The following COL25A1 variants were observed in gnomAD, a reference collection of about 807,000 sequenced individuals.
COL25A1 encodes the protein collagen alpha-1(XXV) chain.
COL25A1 carries 103 observed loss-of-function variants against 128.4 expected under a neutral mutation model. That is an observed-to-expected ratio of 0.80 (90% CI 0.68 to 0.94). The LOEUF (loss-of-function observed/expected upper bound fraction) is 0.94, where lower values mean the gene tolerates loss of function less well. Ranked by LOEUF, COL25A1 falls within the 40% of genes least tolerant of loss-of-function variation. The pLI is 0.00. For missense variants in COL25A1, 745 were observed against 840.0 expected, an observed-to-expected ratio of 0.89 and a Z score of 1.40; for synonymous variants, 279 against 277.2, an observed-to-expected ratio of 1.01 and a Z score of -0.06.
At chr4:109,183,166 G>A (rs1198100836) in intron 3 of COL25A1, among the ~76,000 whole-genome samples, 1 of 151,760 alleles carries the variant, frequency 6.6e-6, no homozygotes, top group East Asian at 1.9e-4. Flanking sequence ...CCCCATCCAT[G>A]TCCACAAACA....
intron 3 of COL25A1, among the ~76,000 whole-genome samples, chr4:109,125,680 C>T (rs1768527973): frequency 6.6e-6 from 1 of 152,088 alleles, no homozygotes; most frequent in African/African-American, 2.4e-5. Context: ...TAATGGTGAT[C>T]AATTTTCAAC....
chr4:108,941,320 A>T, intron 9 of COL25A1, 46 bp downstream of exon 9: 1 of 1,463,932 alleles, frequency 6.8e-7, no homozygotes, highest in Non-Finnish European at 9.6e-7. Flanking sequence ...ACAGAGCAAT[A>T]ACTGATGTAA....
Position 109,032,420 on chromosome 4 carries a change from T to A in COL25A1, c.420+15748A>T, listed in dbSNP as rs77669998. Reference sequence around the variant, plus strand: ...CTAAACTCTTCAACAGGGGAACTTATGGTCACAAATAACACAAAGAGGTTA... The same window carrying A: ...CTAAACTCTTCAACAGGGGAACTTAAGGTCACAAATAACACAAAGAGGTTA... On this transcript the variant is annotated intron_variant, in intron 5 of 37. Coordinates refer to ENST00000399132, the MANE Select transcript of COL25A1 (RefSeq NM_198721.4). Among the ~76,000 whole-genome samples, 34 of 152,334 alleles carry A rather than the reference T, an allele frequency of 2.2e-4. No homozygotes were observed. In the East Asian group the frequency reaches 5.2e-3, roughly 23 times the overall value.
At chr4:109,232,810 C>T (rs1276584698) in intron 3 of COL25A1, among the ~76,000 whole-genome samples, 2 of 152,034 alleles carry the variant, frequency 1.3e-5, no homozygotes, top group Non-Finnish European at 2.9e-5. Context: ...TTTATTATAC[C>T]CACATTCTTA....
At chr4:108,887,292 T>C (rs1462999904) in intron 18 of COL25A1, among the ~76,000 whole-genome samples, 1 of 152,188 alleles carries the variant, frequency 6.6e-6, no homozygotes, top group Non-Finnish European at 1.5e-5. Flanking sequence ...TAAGCGCCAA[T>C]GAACCCCCAG....
chr4:108,942,427 AG>A (rs1170567090), intron 8 of COL25A1, among the ~76,000 whole-genome samples: 4 of 151,786 alleles, frequency 2.6e-5, no homozygotes, highest in African/African-American at 9.7e-5. Flanking sequence ...TAGACACATA[AG>A]GCCCCAAAAT....
At chr4:109,004,190 C>A (rs549653882) in intron 6 of COL25A1, among the ~76,000 whole-genome samples, 1 of 152,130 alleles carries the variant, frequency 6.6e-6, no homozygotes, top group South Asian at 2.1e-4. Context: ...TAATTTCATC[C>A]TATGACTGTA....
chr4:108,895,706 A>T (rs1166150142), intron 16 of COL25A1, among the ~76,000 whole-genome samples: 1 of 152,156 alleles, frequency 6.6e-6, no homozygotes, highest in Non-Finnish European at 1.5e-5. Context: ...TTAACTTATA[A>T]TCAAACTTTT....
At chr4:109,009,046 C>T (rs898892749) in intron 6 of COL25A1, among the ~76,000 whole-genome samples, 4 of 152,034 alleles carry the variant, frequency 2.6e-5, no homozygotes, top group South Asian at 2.1e-4. Flanking sequence ...CACTTGAACC[C>T]GGGAGGCGGA....
At chr4:109,149,144 T>C (rs1311260555) in intron 3 of COL25A1, among the ~76,000 whole-genome samples, 1 of 152,208 alleles carries the variant, frequency 6.6e-6, no homozygotes, top group East Asian at 1.9e-4. Flanking sequence ...AGCCTTATTT[T>C]CCAACAAAGC....
At chr4:109,143,232 C>T (rs1195894146) in intron 3 of COL25A1, among the ~76,000 whole-genome samples, 1 of 152,190 alleles carries the variant, frequency 6.6e-6, no homozygotes, top group Non-Finnish European at 1.5e-5. Context: ...GAATATTGGC[C>T]TCCACTCTCT....
intron 15 of COL25A1, among the ~76,000 whole-genome samples, chr4:108,897,644 C>T (rs747600449): frequency 2.6e-5 from 4 of 152,162 alleles, no homozygotes; most frequent in Non-Finnish European, 5.9e-5. Context: ...TCTGGCACAT[C>T]ATAAGCTATT....
chr4:109,247,636 T>C (rs142591515), intron 3 of COL25A1, among the ~76,000 whole-genome samples: 284 of 151,926 alleles, frequency 1.9e-3, no homozygotes, highest in African/African-American at 6.2e-3. Flanking sequence ...AAACAGTAAA[T>C]AGATAGATAG....
At chr4:108,904,188 G>A (rs973744030) in intron 13 of COL25A1, among the ~76,000 whole-genome samples, 3 of 152,118 alleles carry the variant, frequency 2.0e-5, no homozygotes, top group Non-Finnish European at 4.4e-5. Context: ...TCAACTGACA[G>A]TGAAAATTTA....
chr4:109,031,406 G>A (rs115947346), intron 5 of COL25A1, among the ~76,000 whole-genome samples: 3,049 of 152,182 alleles, frequency 0.02, 82 homozygotes, highest in African/African-American at 0.069. Context: ...GTGAGCCACC[G>A]CGCCAGGCCA....
rs375290178 is a variant in COL25A1, at chr4:108,983,851, T to G, written c.439-9292A>C. Among the ~76,000 whole-genome samples, 54 of 152,256 alleles carry G rather than the reference T, an allele frequency of 3.5e-4. 2 individuals are homozygous for G. In the East Asian group the frequency reaches 6.8e-3, roughly 19 times the overall value. On this transcript the variant is annotated intron_variant, in intron 6 of 37. Transcript: ENST00000399132. ...AGTGTTGCAGCTCATAATGGCAGTG[T>G]GGACCCGAAGAGTGAGCAGCAGCAG... is the stretch of plus-strand genomic sequence containing the variant.
chr4:109,170,526 G>A (rs989223318), intron 3 of COL25A1, among the ~76,000 whole-genome samples: 17 of 152,128 alleles, frequency 1.1e-4, no homozygotes, highest in African/African-American at 3.9e-4. Flanking sequence ...CAAAAAACCT[G>A]GCTCCTGGGT....
Position 109,044,088 on chromosome 4 carries a change from A to AGTGT in COL25A1, c.420+4076_420+4079dup, listed in dbSNP as rs142400635. ...CATTTTTAGCAGAGACTCCTCTGATAGTGTGTGTGTGTGTGTGTGTGTGTG... is the reference window on the plus strand; with the variant it reads ...CATTTTTAGCAGAGACTCCTCTGATAGTGTGTGTGTGTGTGTGTGTGTGTGTGTG... On this transcript the variant is annotated intron_variant, in intron 5 of 37. Transcript: ENST00000399132. Among the ~76,000 whole-genome samples the AGTGT allele has an allele frequency of 4.8e-4, 72 of 149,674 alleles. 1 individual carries two copies. In the East Asian group the frequency reaches 4.9e-3, roughly 10 times the overall value.
At chr4:108,938,422 T>G (rs1486151993) in intron 10 of COL25A1, among the ~76,000 whole-genome samples, 1 of 152,174 alleles carries the variant, frequency 6.6e-6, no homozygotes, top group Non-Finnish European at 1.5e-5. Flanking sequence ...ATTTTTATAG[T>G]CTTCTTCTAG....
Sources: gnomAD v4.1 joint callset for allele counts (sites outside exome capture counted in the v4.1 genomes callset) on GRCh38, gnomAD v4.1.1 for gene constraint, MANE v1.5 for transcripts, NCBI Gene and HGNC (gene_info 2026-07-23, HGNC 2026-07-21) for gene names.